Variants in CDH13 observed in about 807,000 individuals in gnomAD.
CDH13 encodes the protein cadherin-13.
CDH13 carries 24 observed loss-of-function variants against 63.8 expected under a neutral mutation model. The observed-to-expected ratio is 0.38, with a 90% CI of 0.27 to 0.53. The LOEUF is 0.53. Ranked by LOEUF, CDH13 falls within the 20% of genes least tolerant of loss-of-function variation. The pLI is 0.85. For missense variants in CDH13, 1,049 were observed against 903.1 expected (o/e 1.16, Z -2.07); for synonymous variants, 503 against 355.3 (o/e 1.42, Z -4.67).
chr16:83,116,789 A>G (rs1218176291), intron 3 of CDH13, among the ~76,000 whole-genome samples: 1 of 152,210 alleles, frequency 6.6e-6, no homozygotes. Flanking sequence ...TACCTCAATA[A>G]TACTTTTAAA....
rs1320904728 is a variant in CDH13 at position 82,806,831 on chromosome 16, A to G, written c.46-51531A>G. Among the ~76,000 whole-genome samples the G allele has an allele frequency of 1.3e-5, 2 of 152,330 alleles. 1 individual carries two copies. Among genetic ancestry groups the G allele is most frequent in the South Asian group, 4.1e-4 (2 of 4,828 alleles). Reference sequence around the variant, plus strand: ...CACAGAGAAACAAGGCTTTCATTCTACCATAAAGAAGGACAAAACATAACT... The same window carrying G: ...CACAGAGAAACAAGGCTTTCATTCTGCCATAAAGAAGGACAAAACATAACT... On this transcript the variant is annotated intron_variant, in intron 1 of 13. Coordinates refer to ENST00000567109, the MANE Select transcript of CDH13 (RefSeq NM_001257.5).
intron 3 of CDH13, among the ~76,000 whole-genome samples, chr16:83,098,361 C>T (rs994201777): frequency 2.8e-4 from 43 of 152,132 alleles, no homozygotes; most frequent in Non-Finnish European, 1.9e-4. Flanking sequence ...CATTACATTG[C>T]TATTATTTTT....
Position 83,549,925 on chromosome 16 carries a change from G to T in CDH13, c.961-52529G>T, listed in dbSNP as rs770084846. On this transcript the variant is annotated intron_variant, in intron 7 of 13. Transcript: ENST00000567109. ...ACTCTGACGGAGGTTTTAACTGTAT[G>T]CATGCCAGTCTTTCCCACTCGTCTT... 7.1e-4 allele frequency among the ~76,000 whole-genome samples: 108 copies of T among 152,190 alleles called. 3 individuals are homozygous for T. The highest frequency in any genetic ancestry group is 3.2e-3 in the Middle Eastern group (1 of 316).
chr16:83,748,164 C>A lies in CDH13; in HGVS notation c.1595C>A (p.Thr532Asn), dbSNP rs1342531104. 1 of 1,613,736 alleles carries A rather than the reference C, an allele frequency of 6.2e-7. No individual in the cohort carries two copies. The highest frequency in any genetic ancestry group is 8.5e-7 in the Non-Finnish European group (1 of 1,179,760). The change falls in exon 11 of 14, where the codon ACT becomes AAT. Residue 532 changes from threonine to asparagine, a missense_variant. Transcript: ENST00000567109. Reference sequence around the variant, plus strand: ...CTGAATATTAACCCCATCAATGGGACTGTTGACACCACAGCTGTGCTGGAC... The same window carrying A: ...CTGAATATTAACCCCATCAATGGGAATGTTGACACCACAGCTGTGCTGGAC... The part of the protein sequence containing the change: ...GWLNINPING[T>N]VDTTAVLDRE...
chr16:82,994,806 A>T (rs545776404), intron 2 of CDH13, among the ~76,000 whole-genome samples: 1 of 152,310 alleles, frequency 6.6e-6, no homozygotes, highest in East Asian at 1.9e-4. Context: ...GCTTTGTGAA[A>T]TACTGAAGGA....
At chr16:82,636,217 A>G (rs1382698379) in intron 1 of CDH13, among the ~76,000 whole-genome samples, 2 of 152,050 alleles carry the variant, frequency 1.3e-5, no homozygotes, top group Non-Finnish European at 1.5e-5. Flanking sequence ...GACTCTTCCA[A>G]TTGGCAGGAA....
intron 3 of CDH13, among the ~76,000 whole-genome samples, chr16:83,082,884 CGTTT>C (rs2033348497): frequency 6.6e-6 from 1 of 152,150 alleles, no homozygotes; most frequent in South Asian, 2.1e-4. Flanking sequence ...TGAATTCGCA[CGTTT>C]GTTTTTCAGG....
chr16:83,712,129 C>G (rs1908154670), intron 10 of CDH13, among the ~76,000 whole-genome samples: 1 of 152,142 alleles, frequency 6.6e-6, no homozygotes, highest in Non-Finnish European at 1.5e-5. Context: ...TTTTAACTTA[C>G]CTGTTTAAGA....
chr16:83,680,137 A>G (rs1350877969), intron 10 of CDH13, among the ~76,000 whole-genome samples: 2 of 152,228 alleles, frequency 1.3e-5, no homozygotes, highest in East Asian at 1.9e-4. Context: ...GAGCTAGGGC[A>G]TCCTTCAGGC....
chr16:82,708,848 G>A (rs1376475598), intron 1 of CDH13, among the ~76,000 whole-genome samples: 2 of 152,196 alleles, frequency 1.3e-5, no homozygotes, highest in Non-Finnish European at 2.9e-5. Context: ...ATGTGAGAAA[G>A]TACTCTGTGG....
At chr16:83,205,336 T>C (rs1399839977) in intron 4 of CDH13, among the ~76,000 whole-genome samples, 1 of 151,978 alleles carries the variant, frequency 6.6e-6, no homozygotes, top group Non-Finnish European at 1.5e-5. Context: ...ATGGTACTGA[T>C]TGGCAATTTG....
intron 5 of CDH13, among the ~76,000 whole-genome samples, chr16:83,338,393 G>C (rs2090647773): frequency 6.6e-6 from 1 of 152,166 alleles, no homozygotes; most frequent in African/African-American, 2.4e-5. Flanking sequence ...GTCTCTTAAA[G>C]AGGCATAGCC....
intron 5 of CDH13, among the ~76,000 whole-genome samples, chr16:83,299,522 A>G (rs1173752556): frequency 1.3e-5 from 2 of 152,178 alleles, no homozygotes; most frequent in African/African-American, 4.8e-5. Flanking sequence ...CATCCTCACT[A>G]GAGATCATCT....
chr16:82,915,674 C>T (rs1051979153), intron 2 of CDH13, among the ~76,000 whole-genome samples: 16 of 151,790 alleles, frequency 1.1e-4, no homozygotes, highest in African/African-American at 3.1e-4. Flanking sequence ...CTGCAGGTGA[C>T]GTTTGTGAAA....
At chr16:82,735,217 A>T (rs2033612053) in intron 1 of CDH13, among the ~76,000 whole-genome samples, 1 of 152,206 alleles carries the variant, frequency 6.6e-6, no homozygotes, top group African/African-American at 2.4e-5. Context: ...CATCCATGAC[A>T]GTCTTTGCTT....
chr16:82,760,676 G>A (rs751539214), intron 1 of CDH13, among the ~76,000 whole-genome samples: 8 of 152,194 alleles, frequency 5.3e-5, no homozygotes, highest in Non-Finnish European at 8.8e-5. Flanking sequence ...ACCTGAGGCC[G>A]CGTAATATTT....
intron 2 of CDH13, among the ~76,000 whole-genome samples, chr16:82,966,368 C>T (rs1042290453): frequency 2.2e-4 from 34 of 152,112 alleles, no homozygotes; most frequent in East Asian, 1.9e-4. Context: ...AGGATGGTCT[C>T]GATTTCCTGA....
chr16:82,972,800 T>A (rs758218992), intron 2 of CDH13, among the ~76,000 whole-genome samples: 2 of 152,164 alleles, frequency 1.3e-5, no homozygotes, highest in Non-Finnish European at 2.9e-5. Context: ...AAAGAGCTTG[T>A]CAAGCTCTTA....
intron 3 of CDH13, among the ~76,000 whole-genome samples, chr16:83,108,851 A>T (rs1406374523): frequency 6.6e-6 from 1 of 152,108 alleles, no homozygotes; most frequent in East Asian, 1.9e-4. Context: ...GGGAGCTGGG[A>T]TATAAATCCC....
Sources: gnomAD v4.1 joint callset for allele counts (sites outside exome capture counted in the v4.1 genomes callset) on GRCh38, gnomAD v4.1.1 for gene constraint, MANE v1.5 for transcripts, NCBI Gene and HGNC (gene_info 2026-07-23, HGNC 2026-07-21) for gene names.